EPHA6: variants seen among roughly 807,000 people sequenced by gnomAD.
EPHA6 encodes the protein EPH receptor A6.
A neutral mutation model predicts 112.0 loss-of-function variants in EPHA6; 50 were observed. The observed-to-expected ratio is 0.45, with a 90% CI of 0.36 to 0.56. The LOEUF (loss-of-function observed/expected upper bound fraction) is 0.56. Ranked by LOEUF, EPHA6 falls within the 20% of genes least tolerant of loss-of-function variation. The probability of loss-of-function intolerance (pLI) is 0.00; values close to 1 mark genes in which losing one functional copy is unlikely to be tolerated. For missense variants in EPHA6, 1,280 were observed against 1,417.4 expected (o/e 0.90, Z 1.56); for synonymous variants, 529 against 490.7 (o/e 1.08, Z -1.03).
intron 3 of EPHA6, among the ~76,000 whole-genome samples, chr3:97,061,901 T>A (rs2046033605): frequency 6.6e-6 from 1 of 152,094 alleles, no homozygotes; most frequent in Non-Finnish European, 1.5e-5. Flanking sequence ...CCCAATTTAG[T>A]TGGGGAGGTA....
intron 5 of EPHA6, among the ~76,000 whole-genome samples, chr3:97,319,889 C>T (rs1351379221): frequency 6.6e-6 from 1 of 151,888 alleles, no homozygotes; most frequent in Non-Finnish European, 1.5e-5. Context: ...CTAGTTATGT[C>T]ATAACTGTAG....
intron 2 of EPHA6, among the ~76,000 whole-genome samples, chr3:96,953,451 T>G (rs990200890): frequency 2.6e-5 from 4 of 152,192 alleles, no homozygotes; most frequent in Non-Finnish European, 4.4e-5. Context: ...AATAGTACAT[T>G]GTAGCACAAA....
intron 1 of EPHA6, among the ~76,000 whole-genome samples, chr3:96,852,498 G>T (rs1435563529): frequency 6.6e-6 from 1 of 150,708 alleles, no homozygotes; most frequent in African/African-American, 2.4e-5. Context: ...GTCTCCATAA[G>T]TTCCTTTATA....
rs566876674 is a variant in EPHA6 at position 97,302,944 on chromosome 3, A to C, written c.1606+58657A>C. On this transcript the variant is annotated intron_variant, in intron 5 of 17. Coordinates refer to ENST00000389672, the MANE Select transcript of EPHA6 (RefSeq NM_001080448.3). The stretch of plus-strand genomic sequence containing the variant: ...CAGCCTTTCTAGGAATAAGGCAATA[A>C]GTTGTTATTTTTATGTGATAAAAAT... Among the ~76,000 whole-genome samples, 38 of 151,960 alleles carry C rather than the reference A, an allele frequency of 2.5e-4. 1 individual carries two copies. Among genetic ancestry groups the C allele is most frequent in the Non-Finnish European group, 4.9e-4 (33 of 67,910 alleles).
chr3:96,851,427 C>G (rs2035380196), intron 1 of EPHA6, among the ~76,000 whole-genome samples: 1 of 152,128 alleles, frequency 6.6e-6, no homozygotes, highest in South Asian at 2.1e-4. Flanking sequence ...TTTTTTACGC[C>G]AAGGCTACCA....
chr3:96,898,899 G>A (rs941349072), intron 2 of EPHA6, among the ~76,000 whole-genome samples: 4 of 151,630 alleles, frequency 2.6e-5, no homozygotes, highest in Admixed American at 6.6e-5. Flanking sequence ...ATGGTGGCGC[G>A]CGCCTGTAGT....
In EPHA6 at chr3:97,042,617, A is replaced by G. The variant is rs986871015; in HGVS notation, c.1114+54624A>G. Among the ~76,000 whole-genome samples, 8 of 152,174 alleles carry G rather than the reference A, an allele frequency of 5.3e-5. 1 individual carries two copies. The East Asian group carries it at 9.7e-4, about 18-fold the overall frequency. The stretch of plus-strand genomic sequence containing the variant: ...TGTCTCAGGACTCTCTTAGGACTCA[A>G]TGCTCGGTGCTCGCCTCCCTGTAGA... On this transcript the variant is annotated intron_variant, in intron 3 of 17. Coordinates refer to ENST00000389672, the MANE Select transcript of EPHA6 (RefSeq NM_001080448.3).
At chr3:97,305,844 G>A (rs751453378) in intron 5 of EPHA6, among the ~76,000 whole-genome samples, 6 of 151,780 alleles carry the variant, frequency 4.0e-5, no homozygotes, top group Admixed American at 6.6e-5. Context: ...AAACCTGCAC[G>A]TCCTGCACAT....
At chr3:96,961,094 G>C (rs1559624928) in intron 2 of EPHA6, among the ~76,000 whole-genome samples, 1 of 152,146 alleles carries the variant, frequency 6.6e-6, no homozygotes, top group Admixed American at 6.5e-5. Context: ...GTATTAAGAA[G>C]AGAGGGAAGG....
intron 1 of EPHA6, among the ~76,000 whole-genome samples, chr3:96,866,583 ATTGT>A (rs1353987334): frequency 1.3e-5 from 2 of 151,784 alleles, no homozygotes; most frequent in Non-Finnish European, 2.9e-5. Flanking sequence ...TTCATTTAGC[ATTGT>A]TTAACAAAAA....
chr3:97,348,027 A>G (rs2083619047), intron 5 of EPHA6, among the ~76,000 whole-genome samples: 1 of 151,990 alleles, frequency 6.6e-6, no homozygotes, highest in Admixed American at 6.6e-5. Context: ...AACATTTCCA[A>G]CTTATTTTTT....
intron 14 of EPHA6, among the ~76,000 whole-genome samples, chr3:97,651,519 G>C (rs1326271423): frequency 1.3e-5 from 2 of 151,968 alleles, no homozygotes; most frequent in Non-Finnish European, 1.5e-5. Context: ...AATACATCTA[G>C]TCCTTCTAAC....
chr3:97,275,778 C>A (rs2080053661), intron 5 of EPHA6, among the ~76,000 whole-genome samples: 1 of 150,182 alleles, frequency 6.7e-6, no homozygotes, highest in African/African-American at 2.5e-5. Flanking sequence ...GTAAGGGGTG[C>A]ATGATCGGTC....
chr3:96,932,533 T>C (rs2040377861), intron 2 of EPHA6, among the ~76,000 whole-genome samples: 1 of 152,200 alleles, frequency 6.6e-6, no homozygotes, highest in South Asian at 2.1e-4. Context: ...TGAAAAATAA[T>C]TATGAATGTT....
At chr3:97,693,062 C>T (rs1238840503) in intron 14 of EPHA6, among the ~76,000 whole-genome samples, 1 of 152,150 alleles carries the variant, frequency 6.6e-6, no homozygotes, top group East Asian at 1.9e-4. Flanking sequence ...GTCAAGTCCT[C>T]ATGATGGTCT....
intron 5 of EPHA6, among the ~76,000 whole-genome samples, chr3:97,245,590 G>T (rs1157317388): frequency 1.3e-5 from 2 of 151,942 alleles, no homozygotes; most frequent in African/African-American, 4.8e-5. Context: ...GAACAAAGTG[G>T]CACTATGCAG....
At chr3:97,503,156 T>G (rs372142690) in intron 10 of EPHA6, among the ~76,000 whole-genome samples, 9 of 152,164 alleles carry the variant, frequency 5.9e-5, no homozygotes, top group East Asian at 1.9e-4. Context: ...TTTGGAAAAT[T>G]ATATATTACA....
At chr3:97,227,159 G>T (rs1019521981) in intron 4 of EPHA6, among the ~76,000 whole-genome samples, 3 of 149,758 alleles carry the variant, frequency 2.0e-5, no homozygotes, top group Non-Finnish European at 4.4e-5. Context: ...TTAAAGTTTT[G>T]TTTAATATGT....
At chr3:97,048,171 A>G (rs1439293574) in intron 3 of EPHA6, among the ~76,000 whole-genome samples, 1 of 152,244 alleles carries the variant, frequency 6.6e-6, no homozygotes, top group Non-Finnish European at 1.5e-5. Flanking sequence ...CTTGAAAACT[A>G]ATAGAAAAGC....
Sources: allele counts gnomAD v4.1 joint callset (sites outside exome capture counted in the v4.1 genomes callset), GRCh38; gene constraint gnomAD v4.1.1; transcripts MANE v1.5; gene names NCBI Gene and HGNC (gene_info 2026-07-23, HGNC 2026-07-21).